LRRC4C: variants seen among roughly 807,000 people sequenced by gnomAD.
The protein encoded by LRRC4C is leucine rich repeat containing 4C.
LRRC4C carries 5 observed loss-of-function variants against 33.6 expected under a neutral mutation model. That is an observed-to-expected ratio of 0.15 (90% confidence interval 0.08 to 0.31). The LOEUF (loss-of-function observed/expected upper bound fraction) is 0.31. Ranked by LOEUF, LRRC4C falls within the 10% of genes least tolerant of loss-of-function variation. The probability of loss-of-function intolerance (pLI) is 1.00; values close to 1 mark genes in which losing one functional copy is unlikely to be tolerated. For synonymous variants in LRRC4C, 329 were observed against 302.0 expected, an observed-to-expected ratio of 1.09 and a Z score of -0.93; for missense variants, 560 against 796.7, an observed-to-expected ratio of 0.70 and a Z score of 3.58.
intron 1 of LRRC4C, among the ~76,000 whole-genome samples, chr11:41,160,075 A>T (rs940169606): frequency 6.6e-6 from 1 of 152,122 alleles, no homozygotes; most frequent in African/African-American, 2.4e-5. Context: ...CTATCATTAC[A>T]AAGTGGTTAC....
intron 4 of LRRC4C, among the ~76,000 whole-genome samples, chr11:40,247,376 C>T (rs1866424892): frequency 6.6e-6 from 1 of 152,164 alleles, no homozygotes; most frequent in Non-Finnish European, 1.5e-5. Context: ...CAACACAGGA[C>T]TGACCATGGG....
intron 2 of LRRC4C, among the ~76,000 whole-genome samples, chr11:40,765,520 C>T (rs1337666637): frequency 6.6e-6 from 1 of 152,034 alleles, no homozygotes; most frequent in African/African-American, 2.4e-5. Flanking sequence ...AGATGTGTTA[C>T]CTTTCAGGCA....
chr11:40,566,985 T>C (rs1957792111), intron 3 of LRRC4C, among the ~76,000 whole-genome samples: 1 of 152,150 alleles, frequency 6.6e-6, no homozygotes, highest in Non-Finnish European at 1.5e-5. Context: ...TTAGTACTTA[T>C]TATAGTTCTT....
At chr11:40,690,094 T>C (rs1283250170) in intron 2 of LRRC4C, among the ~76,000 whole-genome samples, 2 of 152,114 alleles carry the variant, frequency 1.3e-5, no homozygotes, top group Admixed American at 1.3e-4. Context: ...TTATTTTCTG[T>C]GAACTTCAAG....
intron 1 of LRRC4C, among the ~76,000 whole-genome samples, chr11:41,278,603 G>A (rs1444122696): frequency 6.6e-6 from 1 of 152,140 alleles, no homozygotes; most frequent in East Asian, 1.9e-4. Context: ...GCTGGGCCTC[G>A]CCCCCTGTGT....
intron 2 of LRRC4C, among the ~76,000 whole-genome samples, chr11:40,909,930 T>C (rs1956592716): frequency 6.6e-6 from 1 of 152,182 alleles, no homozygotes; most frequent in Non-Finnish European, 1.5e-5. Context: ...AATAAACAAC[T>C]GAAAATCATT....
At position 41,111,020 on chromosome 11, in the gene LRRC4C, G is replaced by A. The variant is rs191660532; in HGVS notation, c.-495-177297C>T. On this transcript the variant is annotated intron_variant, in intron 1 of 6. Transcript: ENST00000528697. ...GTTCTCAGAGATGCAGATGCTGAAG[G>A]GCTGGAGACTACTTTGGAGAAGCAC... Among the ~76,000 whole-genome samples, 24 of 152,092 alleles carry A rather than the reference G, an allele frequency of 1.6e-4. No homozygotes were observed. In the East Asian group the frequency reaches 4.5e-3, roughly 28 times the overall value.
intron 1 of LRRC4C, among the ~76,000 whole-genome samples, chr11:41,345,857 T>A (rs952645232): frequency 1.3e-5 from 2 of 152,174 alleles, no homozygotes; most frequent in African/African-American, 4.8e-5. Flanking sequence ...ACCTAGATGT[T>A]TCAGAAAGGT....
chr11:41,304,594 G>A (rs868473817), intron 1 of LRRC4C, among the ~76,000 whole-genome samples: 21 of 97,108 alleles, frequency 2.2e-4, no homozygotes, highest in Admixed American at 5.0e-4. Flanking sequence ...CCCCCCGCCC[G>A]GCCAGCCGCC....
intron 4 of LRRC4C, among the ~76,000 whole-genome samples, chr11:40,252,848 A>G (rs1866895160): frequency 6.6e-6 from 1 of 152,226 alleles, no homozygotes; most frequent in Admixed American, 6.5e-5. Flanking sequence ...AAGCACTTTC[A>G]TATAGACATG....
chr11:40,778,086 TCATCC>T (rs1429130852), intron 2 of LRRC4C, among the ~76,000 whole-genome samples: 1 of 152,220 alleles, frequency 6.6e-6, no homozygotes, highest in Non-Finnish European at 1.5e-5. Flanking sequence ...TGTGAGTTTT[TCATCC>T]TATTGTGAAA....
At chr11:40,565,414 A>G (rs1008654731) in intron 3 of LRRC4C, among the ~76,000 whole-genome samples, 3 of 152,196 alleles carry the variant, frequency 2.0e-5, no homozygotes, top group African/African-American at 7.2e-5. Flanking sequence ...AAATTATACT[A>G]TCCCAAAGCT....
Position 41,375,932 on chromosome 11 carries a change from G to A in LRRC4C, c.-496+83499C>T, listed in dbSNP as rs1236526957. 3.3e-5 allele frequency among the ~76,000 whole-genome samples: 5 copies of A among 152,068 alleles called. No homozygotes were observed. In the East Asian group the frequency reaches 5.8e-4, roughly 18 times the overall value. On this transcript the variant is annotated intron_variant, in intron 1 of 6. Coordinates refer to ENST00000528697, the MANE Select transcript of LRRC4C (RefSeq NM_001258419.2). ...GTATGGCGTTCACACTAACTTGCAA[G>A]AGATGATGATGGATAGGGAAGTTCA...
intron 2 of LRRC4C, among the ~76,000 whole-genome samples, chr11:40,854,808 C>T (rs1308039631): frequency 6.6e-6 from 1 of 151,348 alleles, no homozygotes; most frequent in Non-Finnish European, 1.5e-5. Flanking sequence ...TAATAAGATT[C>T]AGTTTATATA....
At chr11:40,916,009 A>G (rs1383014675) in intron 2 of LRRC4C, among the ~76,000 whole-genome samples, 1 of 152,208 alleles carries the variant, frequency 6.6e-6, no homozygotes, top group Admixed American at 6.5e-5. Flanking sequence ...ACCAGCTCAT[A>G]CCAGTTAGAA....
chr11:41,140,128 C>T (rs1943439162), intron 1 of LRRC4C, among the ~76,000 whole-genome samples: 1 of 152,122 alleles, frequency 6.6e-6, no homozygotes, highest in Admixed American at 6.6e-5. Flanking sequence ...CGTAAGATGG[C>T]AGAAACTTAT....
chr11:40,580,075 G>T (rs1219417604), intron 3 of LRRC4C, among the ~76,000 whole-genome samples: 1 of 151,428 alleles, frequency 6.6e-6, no homozygotes, highest in Non-Finnish European at 1.5e-5. Context: ...GTGTGTGTGT[G>T]TGTGTGTGTG....
At chr11:40,625,907 CT>C (rs1397811613) in intron 3 of LRRC4C, among the ~76,000 whole-genome samples, 1 of 152,128 alleles carries the variant, frequency 6.6e-6, no homozygotes, top group African/African-American at 2.4e-5. Flanking sequence ...AGACCTTCCT[CT>C]TCCTCTCACC....
At chr11:41,146,207 A>C (rs1385883427) in intron 1 of LRRC4C, among the ~76,000 whole-genome samples, 3 of 152,176 alleles carry the variant, frequency 2.0e-5, no homozygotes, top group Non-Finnish European at 4.4e-5. Flanking sequence ...TGAAGAATGT[A>C]ATCATTGTTA....
Sources: allele counts gnomAD v4.1 joint callset (sites outside exome capture counted in the v4.1 genomes callset), GRCh38; gene constraint gnomAD v4.1.1; transcripts MANE v1.5; gene names NCBI Gene and HGNC (gene_info 2026-07-23, HGNC 2026-07-21).